COL4A6: variants seen among roughly 807,000 people sequenced by gnomAD.
COL4A6 encodes the protein collagen type IV alpha 6 chain.
COL4A6 carries 59 observed loss-of-function variants against 126.7 expected under a neutral mutation model. The observed-to-expected ratio is 0.47, with a 90% CI of 0.38 to 0.58. The LOEUF is 0.58. Among genes scored for constraint, COL4A6 ranks in the 20% least tolerant of loss-of-function variants. The pLI is 0.00. For missense variants in COL4A6, 1,285 were observed against 1,337.3 expected, an observed-to-expected ratio of 0.96 and a Z score of 0.61; for synonymous variants, 547 against 496.6, an observed-to-expected ratio of 1.10 and a Z score of -1.35.
At chrX:108,211,610 G>A in intron 7 of COL4A6, 62 bp downstream of exon 7, 5 of 1,037,384 alleles carry the variant, frequency 4.8e-6, no homozygotes, top group Non-Finnish European at 6.8e-6. Context: ...ACTGGAGGTG[G>A]GGCCCAATGC....
intron 25 of COL4A6, 112 bp downstream of exon 25, chrX:108,180,403 C>T (rs1254968231): frequency 1.6e-6 from 1 of 640,187 alleles, no homozygotes; most frequent in East Asian, 3.7e-5. Context: ...AGAGAGCAAA[C>T]TTGGCTTCCT....
intron 2 of COL4A6, among the ~76,000 whole-genome samples, chrX:108,349,597 A>G (rs2039793867): frequency 9.0e-6 from 1 of 111,679 alleles, no homozygotes; most frequent in African/African-American, 3.3e-5. Flanking sequence ...AGATGAGATC[A>G]TTCTCAACAA....
At chrX:108,308,168 T>C (rs947553111) in intron 3 of COL4A6, among the ~76,000 whole-genome samples, 6 of 111,753 alleles carry the variant, frequency 5.4e-5, no homozygotes, top group Non-Finnish European at 9.4e-5. Flanking sequence ...GAAGCCAGAC[T>C]AAGGCTCCAG....
chrX:108,417,399 T>C (rs191423589), intron 2 of COL4A6, among the ~76,000 whole-genome samples: 391 of 112,013 alleles, frequency 3.5e-3, no homozygotes, highest in Non-Finnish European at 4.9e-3. Context: ...ATCATATTAG[T>C]AGTAGTAGTA....
At chrX:108,386,408 C>T (rs778672645) in intron 2 of COL4A6, among the ~76,000 whole-genome samples, 2 of 111,965 alleles carry the variant, frequency 1.8e-5, no homozygotes, top group Non-Finnish European at 3.8e-5. Flanking sequence ...TAATGATCAC[C>T]ATTCTAACTG....
chrX:108,204,623 G>C (rs781082124), intron 11 of COL4A6: 8 of 497,821 alleles, frequency 1.6e-5, no homozygotes, highest in Non-Finnish European at 2.5e-5. Flanking sequence ...GCACTGCAGA[G>C]GGAAGAGCAA....
chrX:108,371,555 T>A (rs1161377521), intron 2 of COL4A6, among the ~76,000 whole-genome samples: 13 of 97,494 alleles, frequency 1.3e-4, no homozygotes, highest in Non-Finnish European at 2.2e-4. Flanking sequence ...CTGGGTAACA[T>A]GGAAATACTC....
intron 32 of COL4A6, among the ~76,000 whole-genome samples, chrX:108,171,682 C>T (rs1216556745): frequency 2.7e-5 from 3 of 112,225 alleles, no homozygotes; most frequent in African/African-American, 9.7e-5. Context: ...AGCATATCTC[C>T]ATTGGGAAAC....
At chrX:108,382,962 AAATAATAATAATAATAAT>A (rs4035941) in intron 2 of COL4A6, among the ~76,000 whole-genome samples, 2 of 88,293 alleles carry the variant, frequency 2.3e-5, no homozygotes, top group South Asian at 6.1e-4. Flanking sequence ...CCCCCGCCAA[AAATAATAATAATAATAAT>A]AATAATAATA....
At chrX:108,204,985 GGAGA>G (rs1419657282) in intron 11 of COL4A6, among the ~76,000 whole-genome samples, 1 of 107,859 alleles carries the variant, frequency 9.3e-6, no homozygotes, top group Non-Finnish European at 1.9e-5. Context: ...GAGAGATAGA[GGAGA>G]GAGAGAGAGA....
At chrX:108,330,697 A>C (rs1389483983) in intron 2 of COL4A6, among the ~76,000 whole-genome samples, 1 of 111,095 alleles carries the variant, frequency 9.0e-6, no homozygotes, top group East Asian at 2.8e-4. Flanking sequence ...CAGCAGGAGC[A>C]TCTGTGTGCC....
At chrX:108,354,485 C>G (rs896557080) in intron 2 of COL4A6, among the ~76,000 whole-genome samples, 2 of 111,099 alleles carry the variant, frequency 1.8e-5, no homozygotes, top group East Asian at 2.8e-4. Flanking sequence ...AATTTTGAAC[C>G]CTGTGACTTG....
chrX:108,233,253 TCCATTAGACA>T (rs2036355144), intron 3 of COL4A6, among the ~76,000 whole-genome samples: 2 of 112,020 alleles, frequency 1.8e-5, no homozygotes, highest in Admixed American at 1.9e-4. Context: ...GTGTATCTAT[TCCATTAGACA>T]AGGGATACTT....
Position 108,438,213 on chromosome X carries a change from G to T in COL4A6, c.-17C>A. 1.7e-6 allele frequency: 2 copies of T among 1,187,353 alleles called. No individual in the cohort carries two copies. Among genetic ancestry groups the T allele is most frequent in the Non-Finnish European group, 2.3e-6 (2 of 885,270 alleles). ...AGGGTGCATGCTTGCGGCTCCTCCG[G>T]AGCTGGGTCCCGGGAGACTGCTAAG... On this transcript the variant is annotated 5_prime_UTR_variant, in exon 1 of 45. Transcript: ENST00000334504.
intron 2 of COL4A6, among the ~76,000 whole-genome samples, chrX:108,385,084 AT>A (rs776618408): frequency 2.2e-4 from 24 of 109,458 alleles, no homozygotes; most frequent in African/African-American, 5.0e-4. Context: ...TATATATACT[AT>A]TTTTTTTCCT....
intron 3 of COL4A6, among the ~76,000 whole-genome samples, chrX:108,244,900 C>A (rs1327230769): frequency 8.9e-6 from 1 of 112,088 alleles, no homozygotes; most frequent in Non-Finnish European, 1.9e-5. Context: ...TTTTCAGACA[C>A]CATTCAGATG....
intron 3 of COL4A6, among the ~76,000 whole-genome samples, chrX:108,227,991 A>G (rs2036215567): frequency 8.9e-6 from 1 of 112,583 alleles, no homozygotes; most frequent in Non-Finnish European, 1.9e-5. Flanking sequence ...AGAAAGCTGC[A>G]TAAGACTCAG....
intron 2 of COL4A6, among the ~76,000 whole-genome samples, chrX:108,366,692 A>T (rs2040204706): frequency 9.0e-6 from 1 of 111,145 alleles, no homozygotes; most frequent in Non-Finnish European, 1.9e-5. Context: ...ATAGCATCAA[A>T]CTCTGCTCCC....
chrX:108,317,481 C>A (rs2038909267), intron 2 of COL4A6, among the ~76,000 whole-genome samples: 1 of 112,299 alleles, frequency 8.9e-6, no homozygotes. Flanking sequence ...TGGTTTAGCA[C>A]ACAAAGTTTG....
Sources: gnomAD v4.1 joint callset for allele counts (sites outside exome capture counted in the v4.1 genomes callset) on GRCh38, gnomAD v4.1.1 for gene constraint, MANE v1.5 for transcripts, NCBI Gene and HGNC (gene_info 2026-07-23, HGNC 2026-07-21) for gene names.